CCDC170: variants seen among roughly 807,000 people sequenced by gnomAD.
CCDC170 encodes coiled-coil domain containing 170, also known as coiled-coil domain-containing protein 170.
A neutral mutation model predicts 72.6 loss-of-function variants in CCDC170; 69 were observed. The observed-to-expected ratio is 0.95, with a 90% CI of 0.78 to 1.16. The LOEUF is 1.16. Among genes scored for constraint, CCDC170 ranks in the 50% most tolerant of loss-of-function variants. The pLI is 0.00. For missense variants in CCDC170, 852 were observed against 832.5 expected (o/e 1.02, Z -0.29); for synonymous variants, 300 against 303.9 (o/e 0.99, Z 0.13).
chr6:151,537,907 A>G, intron 2 of CCDC170, 138 bp from the exon 3 acceptor site: 2 of 846,512 alleles, frequency 2.4e-6, no homozygotes, highest in East Asian at 5.3e-5. Flanking sequence ...ACAGATACAA[A>G]TATTAGAAAA....
chr6:151,495,753 C>T (rs924687540), intron 1 of CCDC170, among the ~76,000 whole-genome samples: 3 of 152,216 alleles, frequency 2.0e-5, no homozygotes, highest in African/African-American at 7.2e-5. Flanking sequence ...GCCTCAGACT[C>T]CCAAAGTGCT....
intron 5 of CCDC170, among the ~76,000 whole-genome samples, chr6:151,560,750 T>A (rs1250039185): frequency 6.6e-6 from 1 of 152,168 alleles, no homozygotes; most frequent in Non-Finnish European, 1.5e-5. Context: ...AGGTTTAAAT[T>A]CTGTTTTATC....
chr6:151,598,876 A>T (rs1776663074), intron 9 of CCDC170, among the ~76,000 whole-genome samples: 1 of 152,186 alleles, frequency 6.6e-6, no homozygotes, highest in African/African-American at 2.4e-5. Flanking sequence ...TGGCTGGGAC[A>T]TTGCACCAGC....
At chr6:151,575,431 C>CAA (rs537055596) in intron 6 of CCDC170, among the ~76,000 whole-genome samples, 6 of 91,740 alleles carry the variant, frequency 6.5e-5, no homozygotes, top group African/African-American at 7.3e-5. Context: ...AGACTCTGTC[C>CAA]AAAAAAAAAA....
chr6:151,508,085 A>T (rs138282778), intron 1 of CCDC170, among the ~76,000 whole-genome samples: 3 of 152,354 alleles, frequency 2.0e-5, no homozygotes, highest in Admixed American at 2.0e-4. Flanking sequence ...AACAGTCTTC[A>T]GTCTCCCTAG....
At chr6:151,572,662 T>TGTTTTTTTG (rs56158135) in intron 5 of CCDC170, among the ~76,000 whole-genome samples, 1 of 137,400 alleles carries the variant, frequency 7.3e-6, no homozygotes, top group African/African-American at 2.8e-5. Context: ...TTTTTTTTTT[T>TGTTTTTTTG]TTTTTTTGAT....
chr6:151,613,937 T>A (rs1319207299), intron 9 of CCDC170, among the ~76,000 whole-genome samples: 4 of 152,200 alleles, frequency 2.6e-5, no homozygotes, highest in African/African-American at 9.6e-5. Flanking sequence ...AGTAGCCACA[T>A]CATTTTACAT....
intron 1 of CCDC170, among the ~76,000 whole-genome samples, chr6:151,496,510 C>T (rs1351543034): frequency 6.6e-6 from 1 of 152,170 alleles, no homozygotes; most frequent in African/African-American, 2.4e-5. Context: ...TATCTGAGAT[C>T]ATCTTATAAT....
chr6:151,600,343 A>T (rs1332147417), intron 9 of CCDC170, among the ~76,000 whole-genome samples: 1 of 152,180 alleles, frequency 6.6e-6, no homozygotes, highest in Admixed American at 6.5e-5. Flanking sequence ...TTAGTTTCTT[A>T]GGGCTACCCA....
At chr6:151,543,840 A>G (rs1026685415) in intron 3 of CCDC170, among the ~76,000 whole-genome samples, 1 of 152,162 alleles carries the variant, frequency 6.6e-6, no homozygotes, top group Non-Finnish European at 1.5e-5. Context: ...CGATGTGTAT[A>G]TATCATATTT....
chr6:151,612,970 TCTTTG>T lies in CCDC170; in HGVS notation c.1711-2472_1711-2468del, dbSNP rs1776898613. Among the ~76,000 whole-genome samples, 4 of 149,256 alleles carry T rather than the reference TCTTTG, an allele frequency of 2.7e-5. No homozygotes were observed. The South Asian group carries it at 8.5e-4, about 32-fold the overall frequency. Reference sequence around the variant, plus strand: ...ACTGGTCTTTGTTTGCTTTGTTTGCTCTTTGTCTATTCATTCCTTACTGATATGTT... The same window carrying T: ...ACTGGTCTTTGTTTGCTTTGTTTGCTTCTATTCATTCCTTACTGATATGTT... On this transcript the variant is annotated intron_variant, in intron 9 of 10. Transcript: ENST00000239374.
chr6:151,536,974 C>T (rs1782599224), intron 2 of CCDC170, among the ~76,000 whole-genome samples: 1 of 152,002 alleles, frequency 6.6e-6, no homozygotes, highest in South Asian at 2.1e-4. Context: ...TTCTGGATCT[C>T]AGAGGAGCTA....
intron 1 of CCDC170, among the ~76,000 whole-genome samples, chr6:151,496,838 C>A (rs1781918476): frequency 6.6e-6 from 1 of 152,212 alleles, no homozygotes; most frequent in African/African-American, 2.4e-5. Flanking sequence ...AACATGGAAT[C>A]ATAAAACTTA....
intron 5 of CCDC170, among the ~76,000 whole-genome samples, chr6:151,572,649 G>GGTTTTTTTTTTTTTTTTTTTT (rs1776234680): frequency 7.9e-5 from 3 of 37,982 alleles, no homozygotes; most frequent in African/African-American, 2.5e-4. Flanking sequence ...CCTTCTCTGT[G>GGTTTTTTTTTTTTTTTTTTTT]TTTTTTTTTT....
chr6:151,542,266 G>A (rs1782703424), intron 3 of CCDC170, among the ~76,000 whole-genome samples: 1 of 152,066 alleles, frequency 6.6e-6, no homozygotes. Flanking sequence ...TGCCACCCAG[G>A]CTGGAGTGCA....
At chr6:151,576,382 G>C (rs1430784755) in intron 6 of CCDC170, among the ~76,000 whole-genome samples, 1 of 152,012 alleles carries the variant, frequency 6.6e-6, no homozygotes, top group Admixed American at 6.6e-5. Flanking sequence ...ATTCGTCGAG[G>C]AGCATCTGTA....
chr6:151,614,863 A>G (rs1776933193), intron 9 of CCDC170, among the ~76,000 whole-genome samples: 1 of 152,198 alleles, frequency 6.6e-6, no homozygotes, highest in Admixed American at 6.5e-5. Flanking sequence ...ATCTTGGGAC[A>G]GCTTCTCAGA....
Position 151,529,892 on chromosome 6 carries a change from G to A in CCDC170, c.58-6426G>A, listed in dbSNP as rs1244451407. ...CCAAAAGCATGGTGTGGTGTCTGGT[G>A]AGGGTCATCCCACGGTGGAAGGGTA... On this transcript the variant is annotated intron_variant, in intron 1 of 10. Transcript: ENST00000239374. Among the ~76,000 whole-genome samples, 4 of 152,056 alleles carry A rather than the reference G, an allele frequency of 2.6e-5. No individual in the cohort carries two copies. The South Asian group carries it at 6.2e-4, about 24-fold the overall frequency.
chr6:151,530,197 C>T (rs766713213), intron 1 of CCDC170, among the ~76,000 whole-genome samples: 1 of 151,730 alleles, frequency 6.6e-6, no homozygotes, highest in South Asian at 2.1e-4. Flanking sequence ...GAAAATGTTG[C>T]TAAAGAGTAC....
Sources: gnomAD v4.1 joint callset for allele counts (sites outside exome capture counted in the v4.1 genomes callset) on GRCh38, gnomAD v4.1.1 for gene constraint, MANE v1.5 for transcripts, NCBI Gene and HGNC (gene_info 2026-07-23, HGNC 2026-07-21) for gene names.